The following PLEKHA6 variants were observed in gnomAD, a reference collection of about 807,000 sequenced individuals.
PLEKHA6 encodes the protein pleckstrin homology domain containing A6, also known as pleckstrin homology domain-containing family A member 6.
PLEKHA6 carries 60 observed loss-of-function variants against 116.7 expected under a neutral mutation model. The observed-to-expected ratio is 0.51, with a 90% CI of 0.42 to 0.64. PLEKHA6 has a LOEUF of 0.64. Among genes scored for constraint, PLEKHA6 ranks in the 30% least tolerant of loss-of-function variants. The pLI is 0.00. For missense variants in PLEKHA6, 1,338 were observed against 1,422.7 expected, an observed-to-expected ratio of 0.94 and a Z score of 0.96; for synonymous variants, 489 against 556.1, an observed-to-expected ratio of 0.88 and a Z score of 1.70.
intron 1 of PLEKHA6, chr1:204,313,661 C>T (rs1671747915): frequency 1.0e-6 from 1 of 984,958 alleles, no homozygotes; most frequent in African/African-American, 1.7e-5. Flanking sequence ...TCCATGCCCC[C>T]ATCCTCAGGT....
intron 22 of PLEKHA6, among the ~76,000 whole-genome samples, 193 bp from the exon 23 acceptor site, chr1:204,222,972 G>A (rs1659816608): frequency 6.6e-6 from 1 of 152,206 alleles, no homozygotes; most frequent in South Asian, 2.1e-4. Context: ...GAGCGGCTGT[G>A]GGCTAGGGGC....
At chr1:204,348,434 G>T (rs1035904644) in intron 1 of PLEKHA6, among the ~76,000 whole-genome samples, 41 of 152,156 alleles carry the variant, frequency 2.7e-4, no homozygotes, top group African/African-American at 9.6e-4. Context: ...TTTGCAAAGA[G>T]CAAAGTCCAT....
upstream of PLEKHA6, among the ~76,000 whole-genome samples, chr1:204,362,777 G>C (rs1673584446): frequency 6.6e-6 from 1 of 152,160 alleles, no homozygotes; most frequent in Non-Finnish European, 1.5e-5. Flanking sequence ...CATCTCCCAG[G>C]CTCAAGCAAT....
Position 204,228,793 on chromosome 1 carries a change from G to T in PLEKHA6, c.2820C>A (p.Ser940Arg). The T allele has an allele frequency of 1.2e-6, 2 of 1,613,802 alleles. No homozygotes were observed. The highest frequency in any genetic ancestry group is 1.1e-5 in the South Asian group (1 of 91,058). Reference protein sequence around the residue: ...YIDLEPDTPLSPEELKEKQKK... With the variant: ...YIDLEPDTPLRPEELKEKQKK... ...TCTGCTTCTCCTTCAACTCCTCAGG[G>T]CTCAGGGGAGTGTCAGGCTCCAGGT... The change falls in exon 20 of 23, where the codon AGC becomes AGA. Residue 940 changes from serine to arginine, a missense_variant. Transcript: ENST00000272203. This position sits in a 1 kb window ranked among gnomAD's most constrained non-coding sequence, Gnocchi z 4.0.
intron 1 of PLEKHA6, among the ~76,000 whole-genome samples, chr1:204,351,739 CAG>C (rs1019844404): frequency 6.6e-6 from 1 of 152,174 alleles, no homozygotes; most frequent in African/African-American, 2.4e-5. Context: ...TACTAACCAG[CAG>C]AGACAGGGTG....
chr1:204,226,623 T>G (rs1660403372), intron 21 of PLEKHA6, among the ~76,000 whole-genome samples: 1 of 152,188 alleles, frequency 6.6e-6, no homozygotes, highest in Non-Finnish European at 1.5e-5. Context: ...TGGGGCTCTC[T>G]GAAGCTATCC....
At chr1:204,309,133 G>A (rs769871539) in intron 1 of PLEKHA6, 23 of 788,406 alleles carry the variant, frequency 2.9e-5, no homozygotes, top group Non-Finnish European at 3.5e-5. Flanking sequence ...CTTCATTTCT[G>A]TTAAGGGAAA....
chr1:204,236,974 T>C (rs1325707725), intron 17 of PLEKHA6, among the ~76,000 whole-genome samples: 1 of 152,202 alleles, frequency 6.6e-6, no homozygotes, highest in Non-Finnish European at 1.5e-5. Context: ...CTTCTATCCT[T>C]CTCCAAGGAG....
chr1:204,371,711 A>G (rs1673782447), intron 1 of PLEKHA6: 1 of 152,244 alleles, frequency 6.6e-6, no homozygotes, highest in Admixed American at 6.5e-5. Flanking sequence ...TCCCAGACAC[A>G]TGAGATGAGA....
chr1:204,267,680 C>G (rs181460109), intron 4 of PLEKHA6, 133 bp from the exon 5 acceptor site: 2 of 715,870 alleles, frequency 2.8e-6, no homozygotes, highest in African/African-American at 3.5e-5. Flanking sequence ...TGTTAATGCA[C>G]GGCAGCAACC....
intron 6 of PLEKHA6, among the ~76,000 whole-genome samples, chr1:204,262,580 C>A (rs1571952730): frequency 6.6e-6 from 1 of 152,130 alleles, no homozygotes; most frequent in South Asian, 2.1e-4. Flanking sequence ...AGCCCTAAAT[C>A]CTGGGTCTCT....
chr1:204,366,552 G>A (rs1213285105), intron 3 of PLEKHA6, among the ~76,000 whole-genome samples: 1 of 152,210 alleles, frequency 6.6e-6, no homozygotes, highest in Non-Finnish European at 1.5e-5. Flanking sequence ...CTGGAGGCCA[G>A]GTGTTCGAGA....
intron 1 of PLEKHA6, among the ~76,000 whole-genome samples, chr1:204,354,509 G>A (rs941489088): frequency 2.6e-5 from 4 of 152,190 alleles, no homozygotes; most frequent in South Asian, 2.1e-4. Flanking sequence ...TTCAGTAACT[G>A]ACATTTGTGT....
intron 1 of PLEKHA6, among the ~76,000 whole-genome samples, chr1:204,284,822 T>C (rs1239417583): frequency 2.6e-5 from 4 of 152,154 alleles, no homozygotes; most frequent in African/African-American, 9.7e-5. Flanking sequence ...TGGGTCTCAG[T>C]TTCCCCACCT....
chr1:204,346,689 T>C lies in PLEKHA6; in HGVS notation c.-95+13005A>G, dbSNP rs1021254110. The C allele has an allele frequency of 3.2e-5, 23 of 710,098 alleles. 1 individual carries two copies. Among genetic ancestry groups the C allele is most frequent in the Admixed American group, 1.6e-4 (8 of 49,424 alleles). The allele number at this position is 710,098 out of a possible 1,614,324, so 44.0% of individuals were successfully genotyped here. Reference sequence around the variant, plus strand: ...CCCATCACCTCAGAAACAGACTCTTTGTATTCTCTTTCCCAGGGATGTTCC... The same window carrying C: ...CCCATCACCTCAGAAACAGACTCTTCGTATTCTCTTTCCCAGGGATGTTCC... On this transcript the variant is annotated intron_variant, in intron 1 of 22. Transcript: ENST00000272203.
chr1:204,232,389 G>A (rs1417424602), intron 17 of PLEKHA6, among the ~76,000 whole-genome samples: 4 of 152,184 alleles, frequency 2.6e-5, no homozygotes, highest in Non-Finnish European at 5.9e-5. Flanking sequence ...GGAAAAGTGT[G>A]CCCTAGAGAG....
chr1:204,244,848 C>T lies in PLEKHA6; in HGVS notation c.2172+16G>A, dbSNP rs781132630. The T allele has an allele frequency of 6.4e-6, 10 of 1,555,154 alleles. No homozygotes were observed. The highest frequency in any genetic ancestry group is 3.5e-4 in the Middle Eastern group (2 of 5,784). On this transcript the variant is annotated intron_variant, in intron 15 of 22. Coordinates refer to ENST00000272203, the MANE Select transcript of PLEKHA6 (RefSeq NM_014935.5). ...CTCCCTCCCCCACCTACCTTCTACT[C>T]CATTTCTCAACTTACCTCGTTGGAG... is the stretch of plus-strand genomic sequence containing the variant.
At chr1:204,314,506 A>C (rs1314051870) in intron 1 of PLEKHA6, among the ~76,000 whole-genome samples, 1 of 152,184 alleles carries the variant, frequency 6.6e-6, no homozygotes, top group Admixed American at 6.5e-5. Context: ...CTAACTGGCC[A>C]CCACTCCCCC....
At chr1:204,344,402 C>G (rs1407607945) in intron 1 of PLEKHA6, among the ~76,000 whole-genome samples, 1 of 152,048 alleles carries the variant, frequency 6.6e-6, no homozygotes, top group East Asian at 1.9e-4. Flanking sequence ...GAGTTGAAGA[C>G]TAGCCTGGCC....
Sources: gnomAD v4.1 joint callset for allele counts (sites outside exome capture counted in the v4.1 genomes callset) on GRCh38, gnomAD v4.1.1 for gene constraint, Gnocchi (gnomAD v3.1) non-coding constraint, MANE v1.5 for transcripts, NCBI Gene and HGNC (gene_info 2026-07-23, HGNC 2026-07-21) for gene names.